Variants in CSMD1 observed in about 807,000 individuals in gnomAD.
CSMD1 encodes the protein CUB and sushi domain-containing protein 1.
Under a neutral mutation model 417.5 loss-of-function variants are expected in CSMD1, and 213 were observed. That is an observed-to-expected ratio of 0.51 (90% CI 0.46 to 0.57). CSMD1 has a LOEUF of 0.57. CSMD1 is among the 20% of genes least tolerant of loss of function. The pLI, the probability that CSMD1 is intolerant of heterozygous loss-of-function variation, is 0.00. For missense variants in CSMD1, 6,923 were observed against 4,529.7 expected (o/e 1.53, Z -15.17); for synonymous variants, 2,862 against 1,736.8 (o/e 1.65, Z -16.11).
At chr8:3,299,736 T>A (rs777760239) in intron 25 of CSMD1, among the ~76,000 whole-genome samples, 14 of 152,250 alleles carry the variant, frequency 9.2e-5, no homozygotes, top group Non-Finnish European at 1.8e-4. Context: ...TAACCAAATG[T>A]ATTCACATGT....
intron 5 of CSMD1, among the ~76,000 whole-genome samples, chr8:3,857,653 C>T (rs149476695): frequency 7.7e-4 from 117 of 152,150 alleles, no homozygotes; most frequent in African/African-American, 2.7e-3. Context: ...ACAGATGGTC[C>T]GAATGAGTGG....
At chr8:4,294,025 CTTCTG>C (rs913894183) in intron 3 of CSMD1, among the ~76,000 whole-genome samples, 3 of 152,164 alleles carry the variant, frequency 2.0e-5, no homozygotes, top group Non-Finnish European at 2.9e-5. Context: ...AGAATCAGGA[CTTCTG>C]TTCTTTATTG....
At chr8:4,853,793 C>T (rs540187972) in intron 1 of CSMD1, among the ~76,000 whole-genome samples, 1 of 152,286 alleles carries the variant, frequency 6.6e-6, no homozygotes, top group African/African-American at 2.4e-5. Flanking sequence ...CACTGCACCC[C>T]ACAAAGCCAC....
chr8:3,627,132 A>G (rs1182988144), intron 7 of CSMD1, among the ~76,000 whole-genome samples: 1 of 152,140 alleles, frequency 6.6e-6, no homozygotes, highest in Non-Finnish European at 1.5e-5. Flanking sequence ...TGATGTAGTC[A>G]CTCAAAAATT....
intron 1 of CSMD1, among the ~76,000 whole-genome samples, chr8:4,753,075 C>G (rs188873373): frequency 4.7e-4 from 72 of 152,246 alleles, no homozygotes; most frequent in African/African-American, 1.5e-3. Flanking sequence ...AACCCTCACA[C>G]CATCCTTAAA....
intron 5 of CSMD1, among the ~76,000 whole-genome samples, chr8:3,921,191 T>G (rs1026086578): frequency 5.9e-5 from 9 of 152,160 alleles, no homozygotes; most frequent in Admixed American, 5.2e-4. Flanking sequence ...TTCATCTTGG[T>G]AGGTTATCCA....
chr8:3,566,267 A>G (rs1799703976), intron 10 of CSMD1, among the ~76,000 whole-genome samples: 1 of 152,180 alleles, frequency 6.6e-6, no homozygotes. Flanking sequence ...AGTTGAAGAA[A>G]AGAATAACAA....
chr8:4,095,737 T>C (rs1195996642), intron 3 of CSMD1, among the ~76,000 whole-genome samples: 2 of 152,224 alleles, frequency 1.3e-5, no homozygotes, highest in Non-Finnish European at 2.9e-5. Flanking sequence ...TCAAGTCACG[T>C]AGTTTTATTT....
chr8:4,355,363 C>A (rs544406183), intron 3 of CSMD1, among the ~76,000 whole-genome samples: 2 of 151,926 alleles, frequency 1.3e-5, no homozygotes, highest in Admixed American at 6.6e-5. Context: ...TATACACACA[C>A]ACAAAACTCT....
chr8:4,417,519 TA>T (rs904618906), intron 3 of CSMD1, among the ~76,000 whole-genome samples: 4 of 151,974 alleles, frequency 2.6e-5, no homozygotes, highest in African/African-American at 9.7e-5. Context: ...TTTAGTTAAA[TA>T]AAAAAACATG....
chr8:4,598,387 G>C (rs1351971501), intron 2 of CSMD1, among the ~76,000 whole-genome samples: 1 of 152,172 alleles, frequency 6.6e-6, no homozygotes, highest in East Asian at 1.9e-4. Context: ...AGCTCTAACA[G>C]GTGGATGCAG....
chr8:2,940,114 G>C (rs193186024), intron 69 of CSMD1, among the ~76,000 whole-genome samples: 126 of 152,334 alleles, frequency 8.3e-4, no homozygotes, highest in African/African-American at 2.8e-3. Flanking sequence ...AACTCATCAA[G>C]AAATATTTAT....
intron 1 of CSMD1, among the ~76,000 whole-genome samples, chr8:4,746,564 A>C (rs749645374): frequency 6.6e-6 from 1 of 152,202 alleles, no homozygotes; most frequent in Non-Finnish European, 1.5e-5. Flanking sequence ...TGCCCAAGTG[A>C]GAATGAAGGA....
In CSMD1 at chr8:3,468,760, G is replaced by T. The variant is rs776909597; in HGVS notation, c.1513C>A (p.Gln505Lys). ...SMSNQMWLHL[Q>K]SDDSIGSPGF... ...GGTGAGCCAATGCTATCATCCGACT[G>T]CAGATGTAGCCACATCTGGTTGCTC... Residue 505 changes from glutamine (Q) to lysine (K), a missense_variant, in exon 12 of 70, where the codon CAG (glutamine) becomes AAG (lysine). By Grantham distance (53) the Gln-to-Lys change is moderately conservative. Transcript: ENST00000635120. 1.2e-5 allele frequency: 20 copies of T among 1,607,062 alleles called. No homozygotes were observed. The South Asian group carries it at 1.8e-4, about 14-fold the overall frequency.
At chr8:3,629,892 T>C (rs1351395537) in intron 7 of CSMD1, among the ~76,000 whole-genome samples, 1 of 152,194 alleles carries the variant, frequency 6.6e-6, no homozygotes, top group Non-Finnish European at 1.5e-5. Context: ...CCTTTTCACT[T>C]AGAAAAAAGT....
intron 1 of CSMD1, among the ~76,000 whole-genome samples, chr8:4,751,101 C>T (rs1015252698): frequency 2.0e-5 from 3 of 152,182 alleles, no homozygotes; most frequent in African/African-American, 7.2e-5. Context: ...GAGAGCATGT[C>T]TGCCTGGGAG....
At chr8:3,988,925 A>C (rs1474342336) in intron 5 of CSMD1, among the ~76,000 whole-genome samples, 1 of 152,248 alleles carries the variant, frequency 6.6e-6, no homozygotes, top group African/African-American at 2.4e-5. Context: ...TTGAGTGGAG[A>C]AGTTAACAGC....
At chr8:4,972,431 T>G (rs2117388321) in intron 1 of CSMD1, among the ~76,000 whole-genome samples, 1 of 152,216 alleles carries the variant, frequency 6.6e-6, no homozygotes, top group Non-Finnish European at 1.5e-5. Context: ...GATTTAATGG[T>G]TTTATAAGTG....
At chr8:3,382,794 C>G (rs560838227) in intron 18 of CSMD1, among the ~76,000 whole-genome samples, 1 of 151,538 alleles carries the variant, frequency 6.6e-6, no homozygotes, top group Admixed American at 6.6e-5. Context: ...GGTTGTCTGA[C>G]CCTTTATTTT....
Sources: allele counts gnomAD v4.1 joint callset (sites outside exome capture counted in the v4.1 genomes callset), GRCh38; gene constraint gnomAD v4.1.1; transcripts MANE v1.5; gene names NCBI Gene and HGNC (gene_info 2026-07-23, HGNC 2026-07-21).